The following PTPRA variants were observed in gnomAD, a reference collection of about 807,000 sequenced individuals.
PTPRA encodes protein tyrosine phosphatase receptor type A.
PTPRA carries 25 observed loss-of-function variants against 104.8 expected under a neutral mutation model. The ratio of observed to expected loss-of-function variants is 0.24; its 90% CI spans 0.17 to 0.33. The LOEUF is 0.33. PTPRA is among the 10% of genes least tolerant of loss of function. The probability of loss-of-function intolerance (pLI) is 1.00; values close to 1 mark genes in which losing one functional copy is unlikely to be tolerated. For missense variants in PTPRA, 765 were observed against 1,015.3 expected, an observed-to-expected ratio of 0.75 and a Z score of 3.35; for synonymous variants, 323 against 368.9, an observed-to-expected ratio of 0.88 and a Z score of 1.43.
intron 1 of PTPRA, among the ~76,000 whole-genome samples, chr20:2,903,955 C>T (rs1028497289): frequency 2.0e-5 from 3 of 151,692 alleles, no homozygotes; most frequent in Non-Finnish European, 2.9e-5. Flanking sequence ...CCCAGGCTGG[C>T]GGGCAGTGGC....
At chr20:2,884,431 G>A (rs966506032) in intron 1 of PTPRA, among the ~76,000 whole-genome samples, 1 of 152,084 alleles carries the variant, frequency 6.6e-6, no homozygotes, top group Non-Finnish European at 1.5e-5. Context: ...TCCCATCTTT[G>A]CCAACATTTG....
intron 11 of PTPRA, among the ~76,000 whole-genome samples, chr20:3,011,453 G>A (rs2064165113): frequency 6.6e-6 from 1 of 152,182 alleles, no homozygotes; most frequent in Non-Finnish European, 1.5e-5. Flanking sequence ...TGCAAAGGAG[G>A]TATTGCCAGG....
chr20:2,991,360 C>T (rs2063167428), intron 9 of PTPRA, among the ~76,000 whole-genome samples: 2 of 146,136 alleles, frequency 1.4e-5, no homozygotes, highest in African/African-American at 5.1e-5. Flanking sequence ...AGTGAAACTC[C>T]ATCTCAAAAA....
chr20:3,020,389 C>T lies in PTPRA; in HGVS notation c.1042-920C>T, dbSNP rs539979348. Among the ~76,000 whole-genome samples the T allele has an allele frequency of 1.7e-4, 26 of 152,312 alleles. No individual in the cohort carries two copies. The South Asian group carries it at 2.3e-3, about 13-fold the overall frequency. Reference sequence around the variant, plus strand: ...CTGGGATTATAGGCGTGAGCCACCACGCCCGGCCCACAGAGGAGCTTTTTT... The same window carrying T: ...CTGGGATTATAGGCGTGAGCCACCATGCCCGGCCCACAGAGGAGCTTTTTT... On this transcript the variant is annotated intron_variant, in intron 13 of 23. Coordinates refer to ENST00000399903, the MANE Select transcript of PTPRA (RefSeq NM_001385305.1).
At chr20:2,953,429 AT>A (rs1300760259) in intron 3 of PTPRA, among the ~76,000 whole-genome samples, 2 of 150,286 alleles carry the variant, frequency 1.3e-5, no homozygotes, top group Non-Finnish European at 3.0e-5. Flanking sequence ...AATTTTTTGT[AT>A]TTTTAGTAGA....
At position 3,022,346 on chromosome 20, in the gene PTPRA, C is replaced by A; in HGVS notation, c.1328+126C>A. ...AGTAGATGACCTACTGGGGCACCAG[C>A]GCAACAGCCAGAGACTCCAAGTTCT... is the stretch of plus-strand genomic sequence containing the variant. On this transcript the variant is annotated intron_variant, in intron 15 of 23. Coordinates refer to ENST00000399903, the MANE Select transcript of PTPRA (RefSeq NM_001385305.1). The surrounding 1 kb of genome is among the most constrained non-coding windows in gnomAD (Gnocchi z 4.6). 1 of 1,234,594 alleles carries A rather than the reference C, an allele frequency of 8.1e-7. No individual in the cohort carries two copies. Among genetic ancestry groups the A allele is most frequent in the African/African-American group, 1.5e-5 (1 of 65,464 alleles). The allele number at this position is 1,234,594 out of a possible 1,614,324, so 76.5% of individuals were successfully genotyped here.
chr20:2,869,549 G>T (rs1600023747), upstream of PTPRA, among the ~76,000 whole-genome samples: 1 of 152,206 alleles, frequency 6.6e-6, no homozygotes, highest in Non-Finnish European at 1.5e-5. Flanking sequence ...TACATGGGTG[G>T]GCAGGGCCAA....
At chr20:2,921,880 T>C (rs2060110997) in intron 1 of PTPRA, among the ~76,000 whole-genome samples, 1 of 152,208 alleles carries the variant, frequency 6.6e-6, no homozygotes, top group South Asian at 2.1e-4. Context: ...TGCACAGTCA[T>C]TGACTAGAGA....
chr20:2,943,694 G>A (rs958295385), intron 2 of PTPRA, among the ~76,000 whole-genome samples: 9 of 152,242 alleles, frequency 5.9e-5, no homozygotes, highest in African/African-American at 1.7e-4. Context: ...AATAAAGACA[G>A]TAACAAAGTC....
At position 3,035,516 on chromosome 20, in the gene PTPRA, C is replaced by T; in HGVS notation, c.1921-69C>T. 4.6e-6 allele frequency: 7 copies of T among 1,511,780 alleles called. No individual in the cohort carries two copies. Among genetic ancestry groups the T allele is most frequent in the Non-Finnish European group, 6.4e-6 (7 of 1,097,198 alleles). 93.6% of individuals were successfully genotyped at this position (1,511,780 alleles called of 1,614,324 possible). On this transcript the variant is annotated intron_variant, in intron 20 of 23. Coordinates refer to ENST00000399903, the MANE Select transcript of PTPRA (RefSeq NM_001385305.1). This position sits in a 1 kb window ranked among gnomAD's most constrained non-coding sequence, Gnocchi z 5.8. ...GGCTGTACTGAGAGGGGTCAGGCTG[C>T]TCGTGGGCAGTGCTGCTTCTACACA...
chr20:2,955,672 C>T (rs2061510393), intron 3 of PTPRA: 5 of 985,182 alleles, frequency 5.1e-6, no homozygotes, highest in Middle Eastern at 5.2e-4. Flanking sequence ...CTTCAGAGTG[C>T]TGTTCCTACT....
rs2060162312 is a variant in PTPRA, at chr20:2,923,252, A to G, written c.-83A>G. On this transcript the variant is annotated 5_prime_UTR_variant, in exon 2 of 24. It removes the in-frame stop codon of an upstream open reading frame in the 5' UTR. Transcript: ENST00000399903. The stretch of plus-strand genomic sequence containing the variant: ...CAAAGGTATTTATGGAATTCCACTG[A>G]GTGGTAATGGATGATGCAGTTCAAA... The G allele has an allele frequency of 7.8e-7, 1 of 1,280,864 alleles. No homozygotes were observed. The highest frequency in any genetic ancestry group is 1.0e-6 in the Non-Finnish European group (1 of 985,342). 79.3% of individuals were successfully genotyped at this position (1,280,864 alleles called of 1,614,324 possible). A position where few individuals can be genotyped will look rare whatever the true frequency, so the allele number is the denominator to read the frequency against.
chr20:2,992,841 C>A (rs969472149), intron 9 of PTPRA, among the ~76,000 whole-genome samples: 4 of 152,168 alleles, frequency 2.6e-5, no homozygotes, highest in African/African-American at 9.7e-5. Flanking sequence ...GCCTTTAATC[C>A]TCGCACTTTG....
intron 9 of PTPRA, among the ~76,000 whole-genome samples, chr20:2,990,644 T>C (rs1311598786): frequency 2.0e-5 from 3 of 152,108 alleles, no homozygotes; most frequent in African/African-American, 7.2e-5. Context: ...GGTGGGAGTA[T>C]CGCTTGAGCC....
intron 3 of PTPRA, among the ~76,000 whole-genome samples, chr20:2,955,290 A>G (rs1344895437): frequency 6.6e-6 from 1 of 152,262 alleles, no homozygotes; most frequent in African/African-American, 2.4e-5. Flanking sequence ...ATATAAACCT[A>G]TACCAAATTC....
At chr20:2,898,380 A>C (rs67724953) in intron 1 of PTPRA, among the ~76,000 whole-genome samples, 60,039 of 150,644 alleles carry the variant, frequency 0.4, 12,834 homozygotes, top group East Asian at 0.65. Context: ...GCGCCTGGCA[A>C]TTTTTCTATT....
At chr20:3,006,479 C>T (rs980608161) in intron 10 of PTPRA, among the ~76,000 whole-genome samples, 1 of 152,068 alleles carries the variant, frequency 6.6e-6, no homozygotes, top group East Asian at 1.9e-4. Flanking sequence ...ACATCTAGAC[C>T]CTAAAAATTT....
chr20:2,921,607 G>A (rs2060099600), intron 1 of PTPRA, among the ~76,000 whole-genome samples: 1 of 152,026 alleles, frequency 6.6e-6, no homozygotes, highest in Non-Finnish European at 1.5e-5. Context: ...CCAACAATGT[G>A]AATGCGCACT....
Position 3,022,223 on chromosome 20 carries a change from C to G in PTPRA, c.1328+3C>G. ...GGGGCCATCGTGGTCCACTGCAGGT[C>G]AGTGTGGCCTGACCCTTGTACCCCC... On this transcript the variant is annotated splice_donor_region_variant and intron_variant, in intron 15 of 23. Transcript: ENST00000399903. The surrounding 1 kb of genome is among the most constrained non-coding windows in gnomAD (Gnocchi z 4.6). 6.2e-7 allele frequency: 1 copy of G among 1,613,944 alleles called. No homozygotes were observed. Among genetic ancestry groups the G allele is most frequent in the Non-Finnish European group, 8.5e-7 (1 of 1,179,878 alleles).
Sources: allele counts gnomAD v4.1 joint callset (sites outside exome capture counted in the v4.1 genomes callset), GRCh38; gene constraint gnomAD v4.1.1; non-coding constraint Gnocchi (gnomAD v3.1); transcripts MANE v1.5; gene names NCBI Gene and HGNC (gene_info 2026-07-23, HGNC 2026-07-21).